USF1: variants seen among roughly 807,000 people sequenced by gnomAD.
The protein encoded by USF1 is upstream stimulatory factor 1.
A neutral mutation model predicts 46.3 loss-of-function variants in USF1; 22 were observed. That is an observed-to-expected ratio of 0.47 (90% CI 0.34 to 0.68). The LOEUF (loss-of-function observed/expected upper bound fraction) is 0.68. USF1 is among the 30% of genes least tolerant of loss of function. The pLI is 0.01. For missense variants in USF1, 287 were observed against 399.3 expected (o/e 0.72, Z 2.40); for synonymous variants, 150 against 147.0 (o/e 1.02, Z -0.15).
At chr1:161,041,877 G>T (rs370597632) in intron 5 of USF1, 31 bp from the exon 6 acceptor site, 1 of 1,596,946 alleles carries the variant, frequency 6.3e-7, no homozygotes, top group African/African-American at 1.3e-5. Flanking sequence ...ACTGATTCTG[G>T]TAACAGTCAA....
rs780966990 is a variant in USF1, at chr1:161,045,934, C to T, written c.-162G>A. The stretch of plus-strand genomic sequence containing the variant: ...CCGGCCTAGGTATCTCCATAGACAG[C>T]TGCTCATGCGCACTTCCAGCCCGCG... On this transcript the variant is annotated 5_prime_UTR_variant, in exon 1 of 11. Coordinates refer to ENST00000368021, the MANE Select transcript of USF1 (RefSeq NM_007122.5). The T allele has an allele frequency of 1.3e-5, 2 of 152,362 alleles. No homozygotes were observed. The highest frequency in any genetic ancestry group is 2.4e-5 in the African/African-American group (1 of 41,478). The allele number at this position is 152,362 out of a possible 1,614,324, so 9.4% of individuals were successfully genotyped here.
intron 5 of USF1, 97 bp downstream of exon 5, chr1:161,042,019 A>G: frequency 1.4e-6 from 2 of 1,395,494 alleles, no homozygotes; most frequent in Non-Finnish European, 2.0e-6. Context: ...GCAGCCTTAG[A>G]TGCCTCACTG....
In USF1 at chr1:161,040,773, T is replaced by C; in HGVS notation, c.619+41A>G. 6.2e-7 allele frequency: 1 copy of C among 1,613,928 alleles called. No homozygotes were observed. The highest frequency in any genetic ancestry group is 8.5e-7 in the Non-Finnish European group (1 of 1,179,934). On this transcript the variant is annotated intron_variant, in intron 8 of 10. Transcript: ENST00000368021. This position sits in a 1 kb window ranked among gnomAD's most constrained non-coding sequence, Gnocchi z 4.0. The stretch of plus-strand genomic sequence containing the variant: ...CTCCCCTCAGACATCACTGCTGAGA[T>C]CACACCAGACAGCTTCTAGCTCCAC...
Position 161,039,390 on chromosome 1 carries a change from A to ATAGGCCTC in USF1, c.*522_*529dup, listed in dbSNP as rs1356254011. On this transcript the variant is annotated 3_prime_UTR_variant, in exon 11 of 11. Coordinates refer to ENST00000368021, the MANE Select transcript of USF1 (RefSeq NM_007122.5). The stretch of plus-strand genomic sequence containing the variant: ...TCTCTCTGGCTCCAGAGATGTCTGC[A>ATAGGCCTC]TAGGCCTCAGCTTCTCACTGGCCAA... 3 of 160,676 alleles carry ATAGGCCTC rather than the reference A, an allele frequency of 1.9e-5. No individual in the cohort carries two copies. Among genetic ancestry groups the ATAGGCCTC allele is most frequent in the African/African-American group, 7.3e-5 (3 of 41,282 alleles). 10.0% of individuals were successfully genotyped at this position (160,676 alleles called of 1,614,324 possible).
Position 161,041,342 on chromosome 1 carries a change from C to T in USF1, c.542G>A (p.Arg181Lys), listed in dbSNP as rs1411911542. The T allele has an allele frequency of 2.5e-6, 4 of 1,612,930 alleles. No individual in the cohort carries two copies. In the South Asian group the frequency reaches 4.4e-5, roughly 18 times the overall value. Residue 181 changes from arginine to lysine, a missense_variant, in exon 7 of 11, where the codon AGG (arginine) becomes AAG (lysine). By Grantham distance (26) the Arg-to-Lys change is conservative. Coordinates refer to ENST00000368021, the MANE Select transcript of USF1 (RefSeq NM_007122.5). Reference protein sequence around the residue: ...QGGSQRSIAPRTHPYSPKSEA... With the variant: ...QGGSQRSIAPKTHPYSPKSEA... ...CACTCACGGGGAATAAGGGTGAGTCCTAGGGGCAATTGAGCGCTGGCTTCC... is the reference window on the plus strand; with the variant it reads ...CACTCACGGGGAATAAGGGTGAGTCTTAGGGGCAATTGAGCGCTGGCTTCC...
Position 161,042,970 on chromosome 1 carries a change from T to C in USF1, c.9-88A>G, listed in dbSNP as rs2073653. The C allele has an allele frequency of 0.19, 294,286 of 1,569,120 alleles. 38,932 individuals carry two copies. The highest frequency in any genetic ancestry group is 0.56 in the African/African-American group (41,327 of 74,130). ...CCAGTAACATATGGCTGCAAACTCA[T>C]TGGCATTCCCAACAGAAGCTGGGTT... On this transcript the variant is annotated intron_variant, in intron 2 of 10. Coordinates refer to ENST00000368021, the MANE Select transcript of USF1 (RefSeq NM_007122.5).
In USF1 at chr1:161,039,819, C is replaced by T. The variant is rs1650445872; in HGVS notation, c.*101G>A. 3 of 1,253,948 alleles carry T rather than the reference C, an allele frequency of 2.4e-6. No individual in the cohort carries two copies. The highest frequency in any genetic ancestry group is 3.4e-6 in the Non-Finnish European group (3 of 876,432). The allele number at this position is 1,253,948 out of a possible 1,614,324, so 77.7% of individuals were successfully genotyped here. ...CACACCTTCTGAACTTCCCCCTGTC[C>T]CATGCCAGAAGTGGGGCAGTGAAGG... is the stretch of plus-strand genomic sequence containing the variant. On this transcript the variant is annotated 3_prime_UTR_variant, in exon 11 of 11. Coordinates refer to ENST00000368021, the MANE Select transcript of USF1 (RefSeq NM_007122.5).
chr1:161,044,575 G>A (rs981972810), intron 1 of USF1, among the ~76,000 whole-genome samples: 3 of 152,102 alleles, frequency 2.0e-5, no homozygotes, highest in Admixed American at 6.5e-5. Flanking sequence ...AAGCCCAAGT[G>A]GATCCTCTTC....
chr1:161,044,317 G>A (rs191898799), intron 1 of USF1, among the ~76,000 whole-genome samples: 2 of 152,238 alleles, frequency 1.3e-5, no homozygotes, highest in East Asian at 3.9e-4. Context: ...AATCAGGAAG[G>A]GCCATGTATT....
chr1:161,043,488 C>T (rs1650662340), intron 1 of USF1, 128 bp from the exon 2 acceptor site: 2 of 679,060 alleles, frequency 2.9e-6, no homozygotes, highest in Non-Finnish European at 4.9e-6. Context: ...AATCAGCCTC[C>T]ACCATACTGA....
At chr1:161,044,061 G>C (rs1374483193) in intron 1 of USF1, among the ~76,000 whole-genome samples, 1 of 149,202 alleles carries the variant, frequency 6.7e-6, no homozygotes, top group Admixed American at 6.8e-5. Context: ...TCCTGCCTCA[G>C]CCTCCTGAAT....
chr1:161,040,281 C>T lies in USF1; in HGVS notation c.764G>A (p.Arg255Gln). 1 of 1,614,086 alleles carries T rather than the reference C, an allele frequency of 6.2e-7. No individual in the cohort carries two copies. Among genetic ancestry groups the T allele is most frequent in the Non-Finnish European group, 8.5e-7 (1 of 1,180,022 alleles). ...TTCAGACAAGCGGTGGTTACTCTGC[C>T]GAAGCTCCTGGATATAATCACAAGC... Reference protein sequence around the residue: ...SKACDYIQELRQSNHRLSEEL... With the variant: ...SKACDYIQELQQSNHRLSEEL... The change falls in exon 10 of 11, where the codon CGG (arginine) becomes CAG (glutamine). Residue 255 changes from arginine (R) to glutamine (Q), a missense_variant. Arg to Gln is a conservative substitution (Grantham distance 43, BLOSUM62 1). Transcript: ENST00000368021. The surrounding 1 kb of genome is among the most constrained non-coding windows in gnomAD (Gnocchi z 4.0).
chr1:161,045,786 G>A (rs1166980899), intron 1 of USF1, 72 bp downstream of exon 1: 2 of 152,848 alleles, frequency 1.3e-5, no homozygotes, highest in East Asian at 1.9e-4. Flanking sequence ...TTGAAAAACG[G>A]AAACAAAATC....
chr1:161,043,248 C>T lies in USF1; in HGVS notation c.8+20G>A. 1 of 1,614,146 alleles carries T rather than the reference C, an allele frequency of 6.2e-7. No individual in the cohort carries two copies. The highest frequency in any genetic ancestry group is 8.5e-7 in the Non-Finnish European group (1 of 1,180,016). On this transcript the variant is annotated intron_variant, in intron 2 of 10. Transcript: ENST00000368021. ...AGGCCACCCATCTTTCATCCCAGAC[C>T]CTACCTCTTCTTCACTCACCCCTTC...
rs1279814181 is a variant in USF1, at chr1:161,040,805, C to G, written c.619+9G>C. 2 of 1,614,172 alleles carry G rather than the reference C, an allele frequency of 1.2e-6. No individual in the cohort carries two copies. The highest frequency in any genetic ancestry group is 1.7e-6 in the Non-Finnish European group (2 of 1,180,022). The stretch of plus-strand genomic sequence containing the variant: ...AGACAGCTTCTAGCTCCACCCAGAT[C>G]ATACCTACCTTCATTATGCTGAGCC... On this transcript the variant is annotated intron_variant, in intron 8 of 10. Coordinates refer to ENST00000368021, the MANE Select transcript of USF1 (RefSeq NM_007122.5). The surrounding 1 kb of genome is among the most constrained non-coding windows in gnomAD (Gnocchi z 4.0).
chr1:161,039,964 G>A lies in USF1; in HGVS notation c.889C>T (p.Arg297Trp), dbSNP rs1402172200. 2 of 1,614,162 alleles carry A rather than the reference G, an allele frequency of 1.2e-6. No individual in the cohort carries two copies. Among genetic ancestry groups the A allele is most frequent in the Non-Finnish European group, 1.7e-6 (2 of 1,180,034 alleles). Residue 297 changes from arginine to tryptophan, a missense_variant, in exon 11 of 11, where the codon CGG (arginine) becomes TGG (tryptophan). Transcript: ENST00000368021. ...NKNLLLRAQL[R>W]HHGLEVVIKN... ...ATGACGACCTCTAATCCGTGGTGCC[G>A]CAACTGAGCTCGAAGCAGCAGATTC...
intron 5 of USF1, 114 bp downstream of exon 5, chr1:161,042,002 G>A: frequency 7.4e-7 from 1 of 1,352,694 alleles, no homozygotes; most frequent in Non-Finnish European, 1.0e-6. Flanking sequence ...TAGTGCTTTG[G>A]GACAAGGCAG....
At position 161,040,528 on chromosome 1, in the gene USF1, G is replaced by C; in HGVS notation, c.714+48C>G. On this transcript the variant is annotated intron_variant, in intron 9 of 10. Transcript: ENST00000368021. This position sits in a 1 kb window ranked among gnomAD's most constrained non-coding sequence, Gnocchi z 4.0. ...TCTACCATTTCTGGAAACAATACCA[G>C]GAGGCAGAATTCAGGCATCCTGCCC... 6.3e-7 allele frequency: 1 copy of C among 1,596,246 alleles called. No homozygotes were observed. The highest frequency in any genetic ancestry group is 1.7e-5 in the Admixed American group (1 of 57,714).
Position 161,040,027 on chromosome 1 carries a change from C to T in USF1, c.844-18G>A, listed in dbSNP as rs1274458940. The T allele has an allele frequency of 4.3e-6, 7 of 1,613,920 alleles. No homozygotes were observed. The highest frequency in any genetic ancestry group is 5.9e-6 in the Non-Finnish European group (7 of 1,179,848). The stretch of plus-strand genomic sequence containing the variant: ...TCTTCCACCTGACATGGGAAGGAGG[C>T]AGTAAAGGGAATGGGTAGTAAAGCT... On this transcript the variant is annotated intron_variant, in intron 10 of 10. Coordinates refer to ENST00000368021, the MANE Select transcript of USF1 (RefSeq NM_007122.5). The surrounding 1 kb of genome is among the most constrained non-coding windows in gnomAD (Gnocchi z 4.0).
Sources: gnomAD v4.1 joint callset for allele counts (sites outside exome capture counted in the v4.1 genomes callset) on GRCh38, gnomAD v4.1.1 for gene constraint, Gnocchi (gnomAD v3.1) non-coding constraint, MANE v1.5 for transcripts, NCBI Gene and HGNC (gene_info 2026-07-23, HGNC 2026-07-21) for gene names.